The following PLXNA4 variants were observed in gnomAD, a reference collection of about 807,000 sequenced individuals.
PLXNA4 encodes plexin A4.
A neutral mutation model predicts 191.8 loss-of-function variants in PLXNA4; 44 were observed. The ratio of observed to expected loss-of-function variants is 0.23; its 90% confidence interval spans 0.18 to 0.29. PLXNA4 has a LOEUF of 0.29. Among genes scored for constraint, PLXNA4 ranks in the 10% least tolerant of loss-of-function variants. The pLI is 1.00. For synonymous variants in PLXNA4, 1,082 were observed against 1,009.5 expected (o/e 1.07, Z -1.36); for missense variants, 1,800 against 2,488.8 (o/e 0.72, Z 5.89).
rs376535341 is a variant in PLXNA4 at position 132,202,638 on chromosome 7, C to T, written c.2586+8G>A. On this transcript the variant is annotated splice_region_variant and intron_variant, in intron 12 of 31. Coordinates refer to ENST00000321063, the MANE Select transcript of PLXNA4 (RefSeq NM_020911.2). ...CCATTTGGAGCAGGAGGCCCGACCC[C>T]GGCTTACCTCTGTGATGCGGGGGTT... 31 of 1,473,006 alleles carry T rather than the reference C, an allele frequency of 2.1e-5. No individual in the cohort carries two copies. Among genetic ancestry groups the T allele is most frequent in the African/African-American group, 1.6e-4 (11 of 70,070 alleles). 91.2% of individuals were successfully genotyped at this position (1,473,006 alleles called of 1,614,324 possible).
At chr7:132,565,541 T>C (rs1801682243) in intron 1 of PLXNA4, among the ~76,000 whole-genome samples, 1 of 152,164 alleles carries the variant, frequency 6.6e-6, no homozygotes, top group Admixed American at 6.5e-5. Flanking sequence ...GTTCTCTTTG[T>C]TGTTTTTTGT....
intron 3 of PLXNA4, among the ~76,000 whole-genome samples, chr7:132,322,602 T>C (rs1376122505): frequency 2.0e-5 from 3 of 152,172 alleles, no homozygotes; most frequent in Admixed American, 1.3e-4. Context: ...CTGGTGCAAT[T>C]TCAACCTCTC....
chr7:132,284,221 G>A (rs1217729654), intron 4 of PLXNA4, among the ~76,000 whole-genome samples: 1 of 152,092 alleles, frequency 6.6e-6, no homozygotes, highest in Non-Finnish European at 1.5e-5. Flanking sequence ...ACTCAGATTT[G>A]CTCAAACATA....
chr7:132,168,381 A>C lies in PLXNA4; in HGVS notation c.4209T>G (p.Asp1403Glu). The C allele has an allele frequency of 6.2e-7, 1 of 1,612,832 alleles. No individual in the cohort carries two copies. The highest frequency in any genetic ancestry group is 8.5e-7 in the Non-Finnish European group (1 of 1,179,212). Residue 1403 changes from aspartate (D) to glutamate (E), a missense_variant, in exon 22 of 32, where the codon GAT becomes GAG. Physicochemically the swap from Asp to Glu is conservative, Grantham distance 45. Coordinates refer to ENST00000321063, the MANE Select transcript of PLXNA4 (RefSeq NM_020911.2). ...VLQSKLEYAT[D>E]VLKQLLADLI... The stretch of plus-strand genomic sequence containing the variant: ...GGTCGGCCAGCAGCTGCTTCAGCAC[A>C]TCAGTGGCGTACTCCAGCTTGCTCT...
chr7:132,499,886 G>C (rs1234097405), intron 2 of PLXNA4, among the ~76,000 whole-genome samples: 1 of 152,192 alleles, frequency 6.6e-6, no homozygotes, highest in Non-Finnish European at 1.5e-5. Context: ...AGAGACCAGG[G>C]AAGGGAGTGG....
At chr7:132,254,809 A>T (rs1387438161) in intron 4 of PLXNA4, among the ~76,000 whole-genome samples, 3 of 152,198 alleles carry the variant, frequency 2.0e-5, no homozygotes, top group Non-Finnish European at 4.4e-5. Flanking sequence ...CATTTTGCGC[A>T]TCTGGGGAGT....
chr7:132,134,624 C>T (rs1214644652), intron 30 of PLXNA4, among the ~76,000 whole-genome samples: 1 of 152,212 alleles, frequency 6.6e-6, no homozygotes, highest in Non-Finnish European at 1.5e-5. Context: ...TGGCCACATA[C>T]CAGACACTTT....
intron 3 of PLXNA4, among the ~76,000 whole-genome samples, chr7:132,380,843 T>C (rs148872419): frequency 2.4e-4 from 36 of 152,356 alleles, no homozygotes; most frequent in East Asian, 1.7e-3. Context: ...TCTCAGGTGA[T>C]ACTGGTCCAA....
intron 1 of PLXNA4, among the ~76,000 whole-genome samples, chr7:132,534,317 G>A (rs768455173): frequency 5.3e-5 from 8 of 152,092 alleles, no homozygotes; most frequent in African/African-American, 1.2e-4. Context: ...CAGGGCCACC[G>A]CCCCTACTAA....
chr7:132,366,463 G>T (rs1804190123), intron 3 of PLXNA4, among the ~76,000 whole-genome samples: 1 of 152,112 alleles, frequency 6.6e-6, no homozygotes, highest in Admixed American at 6.5e-5. Context: ...TGCGGAGGCT[G>T]CAGTGAGCCG....
At chr7:132,507,445 A>G (rs1229620253) in intron 2 of PLXNA4, 61 bp downstream of exon 2, 4 of 1,518,056 alleles carry the variant, frequency 2.6e-6, no homozygotes, top group Non-Finnish European at 3.5e-6. Context: ...TGGGGGCTAC[A>G]GGCTGGGGTT....
chr7:132,509,252 C>A (rs1798614052), intron 1 of PLXNA4, among the ~76,000 whole-genome samples: 1 of 152,128 alleles, frequency 6.6e-6, no homozygotes, highest in African/African-American at 2.4e-5. Flanking sequence ...CCACAGCAGG[C>A]CTCTGCACAC....
intron 29 of PLXNA4, 93 bp downstream of exon 29, chr7:132,145,026 C>A: frequency 6.3e-7 from 1 of 1,581,598 alleles, no homozygotes. Context: ...TCTGGCCAGC[C>A]CTTCTCCTGG....
intron 3 of PLXNA4, among the ~76,000 whole-genome samples, chr7:132,306,511 G>T (rs574709976): frequency 6.6e-6 from 1 of 152,314 alleles, no homozygotes; most frequent in Admixed American, 6.5e-5. Context: ...GGAGCAAACT[G>T]TGAGCCATTT....
rs1794819416 is a variant in PLXNA4 at position 132,127,954 on chromosome 7, TTTTTTTCTGCTTGTTTGA to T, written c.*2507_*2524del. On this transcript the variant is annotated 3_prime_UTR_variant, in exon 32 of 32. Transcript: ENST00000321063. ...GAACCGTGATAAGTCTTTTTTCTTT[TTTTTTTCTGCTTGTTTGA>T]TTTTTTCTCTTAACTGTGCAAAAAA... 1 of 151,312 alleles carries T rather than the reference TTTTTTTCTGCTTGTTTGA, an allele frequency of 6.6e-6. No individual in the cohort carries two copies. Among genetic ancestry groups the T allele is most frequent in the Non-Finnish European group, 1.5e-5 (1 of 67,938 alleles). The allele number at this position is 151,312 out of a possible 1,614,324, so 9.4% of individuals were successfully genotyped here.
At chr7:132,269,311 T>G (rs1049932192) in intron 4 of PLXNA4, among the ~76,000 whole-genome samples, 11 of 152,248 alleles carry the variant, frequency 7.2e-5, no homozygotes, top group African/African-American at 2.6e-4. Flanking sequence ...TTTAGAGCAG[T>G]TTTAGGTTCA....
At chr7:132,353,270 T>C (rs1485217513) in intron 3 of PLXNA4, among the ~76,000 whole-genome samples, 2 of 152,220 alleles carry the variant, frequency 1.3e-5, no homozygotes, top group Admixed American at 1.3e-4. Context: ...CAGAACACTT[T>C]TTGTGATTAC....
intron 3 of PLXNA4, among the ~76,000 whole-genome samples, chr7:132,318,483 C>G (rs1441847531): frequency 1.3e-5 from 2 of 152,134 alleles, no homozygotes; most frequent in African/African-American, 4.8e-5. Context: ...TTTCCCTCTC[C>G]TTCCCCAGGG....
chr7:132,440,911 CG>C (rs778339982), intron 3 of PLXNA4, among the ~76,000 whole-genome samples: 15 of 152,152 alleles, frequency 9.9e-5, no homozygotes, highest in Non-Finnish European at 2.1e-4. Flanking sequence ...GGACAACATC[CG>C]CTTCTAGAAG....
Sources: gnomAD v4.1 joint callset for allele counts (sites outside exome capture counted in the v4.1 genomes callset) on GRCh38, gnomAD v4.1.1 for gene constraint, MANE v1.5 for transcripts, NCBI Gene and HGNC (gene_info 2026-07-23, HGNC 2026-07-21) for gene names.